The following CSMD1 variants were observed in gnomAD, a reference collection of about 807,000 sequenced individuals.
CSMD1 encodes the protein CUB and Sushi multiple domains 1.
CSMD1 carries 213 observed loss-of-function variants against 417.5 expected under a neutral mutation model. The ratio of observed to expected loss-of-function variants is 0.51; its 90% CI spans 0.46 to 0.57. The LOEUF (loss-of-function observed/expected upper bound fraction) is 0.57. CSMD1 is among the 20% of genes least tolerant of loss of function. The pLI is 0.00. For missense variants in CSMD1, 6,923 were observed against 4,529.7 expected (o/e 1.53, Z -15.17); for synonymous variants, 2,862 against 1,736.8 (o/e 1.65, Z -16.11).
intron 7 of CSMD1, among the ~76,000 whole-genome samples, chr8:3,699,946 G>C (rs555595666): frequency 6.6e-5 from 10 of 151,030 alleles, no homozygotes; most frequent in African/African-American, 2.4e-4. Flanking sequence ...TACATCCCTG[G>C]GTTATATCCC....
intron 3 of CSMD1, among the ~76,000 whole-genome samples, chr8:4,202,181 T>G (rs904524221): frequency 6.6e-6 from 1 of 152,174 alleles, no homozygotes; most frequent in African/African-American, 2.4e-5. Context: ...GTGTTAGTAT[T>G]ATTACTCTTA....
chr8:3,535,950 G>A (rs766807422), intron 10 of CSMD1, among the ~76,000 whole-genome samples: 11 of 152,088 alleles, frequency 7.2e-5, no homozygotes, highest in Non-Finnish European at 1.5e-4. Context: ...CCCACCAGTC[G>A]GTTACAGTTA....
chr8:3,109,681 G>C (rs1816374961), intron 43 of CSMD1, among the ~76,000 whole-genome samples: 1 of 151,870 alleles, frequency 6.6e-6, no homozygotes, highest in Non-Finnish European at 1.5e-5. Context: ...ACTTGCCCTG[G>C]CTGCTGGCTT....
intron 46 of CSMD1, among the ~76,000 whole-genome samples, chr8:3,099,162 C>G (rs1349009114): frequency 6.6e-6 from 1 of 152,116 alleles, no homozygotes; most frequent in Non-Finnish European, 1.5e-5. Flanking sequence ...GCAGACTTCA[C>G]TCATCAGACC....
intron 37 of CSMD1, among the ~76,000 whole-genome samples, chr8:3,169,709 A>G (rs1820460918): frequency 7.2e-6 from 1 of 138,384 alleles, no homozygotes; most frequent in Admixed American, 7.6e-5. Context: ...CTGAGTCTAG[A>G]GCTAGAAATA....
At chr8:3,315,307 G>C (rs924060093) in intron 23 of CSMD1, among the ~76,000 whole-genome samples, 3 of 152,032 alleles carry the variant, frequency 2.0e-5, no homozygotes, top group Non-Finnish European at 2.9e-5. Flanking sequence ...ATTTTTTATA[G>C]TTCACTTGAG....
chr8:3,224,837 T>A (rs921406920), intron 27 of CSMD1, among the ~76,000 whole-genome samples: 5 of 152,202 alleles, frequency 3.3e-5, no homozygotes, highest in Admixed American at 2.0e-4. Flanking sequence ...ACCTCTCATC[T>A]CACGGAAGGT....
At position 4,007,393 on chromosome 8, in the gene CSMD1, A is replaced by T. The variant is rs562717890; in HGVS notation, c.611-9283T>A. 2.0e-5 allele frequency among the ~76,000 whole-genome samples: 3 copies of T among 152,194 alleles called. No individual in the cohort carries two copies. The South Asian group carries it at 6.2e-4, about 32-fold the overall frequency. ...CCACACTGCTTCCTGGGGCCAGGGC[A>T]CCTATGTTCCTGCCCTAAGGCCTTT... On this transcript the variant is annotated intron_variant, in intron 4 of 69. Coordinates refer to ENST00000635120, the MANE Select transcript of CSMD1 (RefSeq NM_033225.6).
In CSMD1 at chr8:4,157,562, C is replaced by G. The variant is rs149772306; in HGVS notation, c.416-125463G>C. 1.5e-3 allele frequency among the ~76,000 whole-genome samples: 224 copies of G among 152,254 alleles called. 1 individual carries two copies. Among genetic ancestry groups the G allele is most frequent in the African/African-American group, 5.2e-3 (218 of 41,562 alleles). Reference sequence around the variant, plus strand: ...TCTAGTCAATGACTGTGTTGTCATTCCCCCGTATTGCTAAGACCCTCTGCC... The same window carrying G: ...TCTAGTCAATGACTGTGTTGTCATTGCCCCGTATTGCTAAGACCCTCTGCC... On this transcript the variant is annotated intron_variant, in intron 3 of 69. Coordinates refer to ENST00000635120, the MANE Select transcript of CSMD1 (RefSeq NM_033225.6).
intron 68 of CSMD1, among the ~76,000 whole-genome samples, chr8:2,942,821 TGAAA>T (rs888061312): frequency 6.6e-6 from 1 of 152,186 alleles, no homozygotes; most frequent in Non-Finnish European, 1.5e-5. Context: ...GAGAATACTA[TGAAA>T]GAGTCTCAAC....
intron 3 of CSMD1, among the ~76,000 whole-genome samples, chr8:4,381,791 C>G (rs139816390): frequency 3.4e-4 from 51 of 152,110 alleles, no homozygotes; most frequent in African/African-American, 1.2e-3. Context: ...TCTAGTTGAC[C>G]TTTTTCTGCT....
chr8:4,886,135 C>A (rs1484594533), intron 1 of CSMD1, among the ~76,000 whole-genome samples: 1 of 151,994 alleles, frequency 6.6e-6, no homozygotes, highest in Non-Finnish European at 1.5e-5. Flanking sequence ...AGACCACAGG[C>A]ACATGCCACG....
At chr8:3,854,056 A>G (rs923778357) in intron 5 of CSMD1, among the ~76,000 whole-genome samples, 21 of 146,400 alleles carry the variant, frequency 1.4e-4, no homozygotes, top group Admixed American at 9.6e-4. Flanking sequence ...AAGTATATGT[A>G]TATTATATTT....
At chr8:3,697,333 T>C (rs1362037842) in intron 7 of CSMD1, among the ~76,000 whole-genome samples, 2 of 152,224 alleles carry the variant, frequency 1.3e-5, no homozygotes, top group African/African-American at 4.8e-5. Flanking sequence ...AAATGTGTTT[T>C]AAATAAAACC....
intron 1 of CSMD1, among the ~76,000 whole-genome samples, chr8:4,673,306 G>C (rs1306945887): frequency 6.6e-6 from 1 of 152,160 alleles, no homozygotes; most frequent in South Asian, 2.1e-4. Context: ...CGCATAAAAT[G>C]CAAGACCCAA....
intron 26 of CSMD1, among the ~76,000 whole-genome samples, chr8:3,257,725 G>A (rs1263902384): frequency 6.6e-6 from 1 of 152,100 alleles, no homozygotes; most frequent in Non-Finnish European, 1.5e-5. Flanking sequence ...AGCCTTGTTG[G>A]AGAAGCATGG....
intron 3 of CSMD1, among the ~76,000 whole-genome samples, chr8:4,107,518 C>T (rs1338839968): frequency 1.3e-5 from 2 of 152,228 alleles, no homozygotes; most frequent in Non-Finnish European, 2.9e-5. Context: ...GTCTACAGCA[C>T]TAATTGATAT....
chr8:4,802,848 G>A (rs944603158), intron 1 of CSMD1, among the ~76,000 whole-genome samples: 1 of 152,162 alleles, frequency 6.6e-6, no homozygotes, highest in Admixed American at 6.5e-5. Context: ...GAAAAATATA[G>A]TATGTCCTTA....
intron 41 of CSMD1, among the ~76,000 whole-genome samples, chr8:3,141,701 G>A (rs1252443356): frequency 6.6e-6 from 1 of 152,052 alleles, no homozygotes; most frequent in East Asian, 1.9e-4. Context: ...CTCGGGAACA[G>A]CAGACAGCAA....
Sources: gnomAD v4.1 joint callset for allele counts (sites outside exome capture counted in the v4.1 genomes callset) on GRCh38, gnomAD v4.1.1 for gene constraint, MANE v1.5 for transcripts, NCBI Gene and HGNC (gene_info 2026-07-23, HGNC 2026-07-21) for gene names.